The following KIAA0825 variants were observed in gnomAD, a reference collection of about 807,000 sequenced individuals.
KIAA0825 encodes KIAA0825, also known as uncharacterized protein KIAA0825.
A neutral mutation model predicts 147.6 loss-of-function variants in KIAA0825; 119 were observed. The ratio of observed to expected loss-of-function variants is 0.81; its 90% CI spans 0.69 to 0.94. The LOEUF (loss-of-function observed/expected upper bound fraction) is 0.94, where lower values mean the gene tolerates loss of function less well. Ranked by LOEUF, KIAA0825 falls within the 40% of genes least tolerant of loss-of-function variation. The probability of loss-of-function intolerance (pLI) is 0.00; values close to 1 mark genes in which losing one functional copy is unlikely to be tolerated. For missense variants in KIAA0825, 1,381 were observed against 1,472.7 expected (o/e 0.94, Z 1.02); for synonymous variants, 470 against 518.1 (o/e 0.91, Z 1.26).
At chr5:94,376,230 TA>T (rs1747548174) in intron 20 of KIAA0825, among the ~76,000 whole-genome samples, 1 of 152,160 alleles carries the variant, frequency 6.6e-6, no homozygotes, top group African/African-American at 2.4e-5. Context: ...TGCAGCTAAT[TA>T]AAAAATTGAC....
intron 20 of KIAA0825, among the ~76,000 whole-genome samples, chr5:94,348,065 C>CT: frequency 6.6e-6 from 1 of 152,100 alleles, no homozygotes; most frequent in South Asian, 2.1e-4. Context: ...AAGACAAGGT[C>CT]TTGAAATTAA....
At chr5:94,311,352 A>G (rs912185437) in intron 20 of KIAA0825, among the ~76,000 whole-genome samples, 1 of 151,610 alleles carries the variant, frequency 6.6e-6, no homozygotes, top group Non-Finnish European at 1.5e-5. Flanking sequence ...TTAGAAAACT[A>G]TATTTCTTAT....
chr5:94,512,578 A>G (rs1423051977), intron 5 of KIAA0825, among the ~76,000 whole-genome samples: 1 of 151,370 alleles, frequency 6.6e-6, no homozygotes, highest in African/African-American at 2.4e-5. Context: ...CTTGGGCAAC[A>G]TAGCAAGATC....
chr5:94,387,129 A>T (rs1749258210), intron 18 of KIAA0825, among the ~76,000 whole-genome samples: 1 of 152,198 alleles, frequency 6.6e-6, no homozygotes, highest in Non-Finnish European at 1.5e-5. Flanking sequence ...TCAACTAATA[A>T]ATGCTTACTA....
intron 14 of KIAA0825, among the ~76,000 whole-genome samples, chr5:94,428,144 TGTGTGTGTGTG>T (rs1755154876): frequency 6.3e-4 from 1 of 1,590 alleles, no homozygotes; most frequent in African/African-American, 1.3e-3. Flanking sequence ...AAGGTCTTGT[TGTGTGTGTGTG>T]TGTGTGTGTG....
chr5:94,369,366 G>A (rs1365276414), intron 20 of KIAA0825, among the ~76,000 whole-genome samples: 1 of 152,124 alleles, frequency 6.6e-6, no homozygotes, highest in African/African-American at 2.4e-5. Flanking sequence ...AAAATAGAAT[G>A]TGAATGCATT....
At chr5:94,536,773 C>G (rs763236059) in intron 3 of KIAA0825, among the ~76,000 whole-genome samples, 4 of 152,080 alleles carry the variant, frequency 2.6e-5, no homozygotes, top group Non-Finnish European at 5.9e-5. Flanking sequence ...CTTTAATTGC[C>G]TATTTCAAGA....
At chr5:94,263,504 G>C (rs1020662416) in intron 20 of KIAA0825, among the ~76,000 whole-genome samples, 4 of 152,046 alleles carry the variant, frequency 2.6e-5, no homozygotes, top group Non-Finnish European at 5.9e-5. Flanking sequence ...GTGATCATTT[G>C]CTCCCATTTC....
In KIAA0825 at chr5:94,261,021, G is replaced by C. The variant is rs183335225; in HGVS notation, c.3711-106897C>G. ...AAAATTCAGTTTTAAAATAACATTC[G>C]GTCAGGTGCAGTGGCTCACACCTGT... On this transcript the variant is annotated intron_variant, in intron 20 of 20. Transcript: ENST00000682413. Among the ~76,000 whole-genome samples, 5 of 152,144 alleles carry C rather than the reference G, an allele frequency of 3.3e-5. No individual in the cohort carries two copies. In the East Asian group the frequency reaches 7.7e-4, roughly 23 times the overall value.
chr5:94,564,849 T>TG (rs1778309460), intron 2 of KIAA0825, among the ~76,000 whole-genome samples: 2 of 152,166 alleles, frequency 1.3e-5, no homozygotes, highest in Non-Finnish European at 2.9e-5. Context: ...AACCCCATCA[T>TG]CTGGATTAGT....
intron 16 of KIAA0825, 40 bp downstream of exon 16, chr5:94,403,529 C>T: frequency 6.8e-7 from 1 of 1,476,226 alleles, no homozygotes; most frequent in South Asian, 1.2e-5. Flanking sequence ...AAAATTGCTT[C>T]TTCAGGTGTA....
intron 20 of KIAA0825, among the ~76,000 whole-genome samples, chr5:94,304,191 G>T (rs562428971): frequency 3.9e-4 from 60 of 152,198 alleles, no homozygotes; most frequent in Non-Finnish European, 7.1e-4. Flanking sequence ...AATGATAAAA[G>T]TCATGAGACA....
At chr5:94,304,679 A>C (rs770656436) in intron 20 of KIAA0825, among the ~76,000 whole-genome samples, 2 of 151,986 alleles carry the variant, frequency 1.3e-5, no homozygotes, top group Non-Finnish European at 2.9e-5. Context: ...ACAGACACAT[A>C]CAATTGGCCT....
intron 5 of KIAA0825, among the ~76,000 whole-genome samples, chr5:94,491,820 C>T (rs1763770649): frequency 6.6e-6 from 1 of 152,074 alleles, no homozygotes; most frequent in South Asian, 2.1e-4. Context: ...ACCCAATATA[C>T]ACAAGGTAAA....
Position 94,604,155 on chromosome 5 carries a change from C to G in KIAA0825, c.-153+14345G>C, listed in dbSNP as rs369768047. ...TTCTCATTGCCACATAGCACTTACT[C>G]TAAAATTGATCACATAATCAGAAGT... On this transcript the variant is annotated intron_variant, in intron 1 of 20. Transcript: ENST00000682413. 8.5e-5 allele frequency among the ~76,000 whole-genome samples: 13 copies of G among 152,310 alleles called. No individual in the cohort carries two copies. In the East Asian group the frequency reaches 1.2e-3, roughly 14 times the overall value.
At chr5:94,309,078 A>G (rs1224722921) in intron 20 of KIAA0825, among the ~76,000 whole-genome samples, 1 of 151,712 alleles carries the variant, frequency 6.6e-6, no homozygotes, top group Non-Finnish European at 1.5e-5. Flanking sequence ...TGTACTAGTG[A>G]ACTAGCATAG....
intron 13 of KIAA0825, among the ~76,000 whole-genome samples, chr5:94,445,615 A>G (rs191749085): frequency 6.6e-6 from 1 of 152,344 alleles, no homozygotes; most frequent in Admixed American, 6.5e-5. Flanking sequence ...CTCAACGAGT[A>G]TGCAAACCAA....
chr5:94,234,327 C>T (rs1281061154), intron 20 of KIAA0825, among the ~76,000 whole-genome samples: 11 of 151,036 alleles, frequency 7.3e-5, no homozygotes, highest in South Asian at 2.1e-4. Context: ...GCCGAGATCG[C>T]GCCACTGCAC....
chr5:94,553,770 A>C (rs75470684), intron 2 of KIAA0825, among the ~76,000 whole-genome samples: 1 of 151,342 alleles, frequency 6.6e-6, no homozygotes, highest in Non-Finnish European at 1.5e-5. Flanking sequence ...GTTTAAAAAA[A>C]CAACCAAAAA....
Sources: allele counts gnomAD v4.1 joint callset (sites outside exome capture counted in the v4.1 genomes callset), GRCh38; gene constraint gnomAD v4.1.1; transcripts MANE v1.5; gene names NCBI Gene and HGNC (gene_info 2026-07-23, HGNC 2026-07-21).